Variants in TSHZ2 observed in about 807,000 individuals in gnomAD.
TSHZ2 encodes the protein teashirt zinc finger homeobox 2, also known as teashirt homolog 2.
A neutral mutation model predicts 74.4 loss-of-function variants in TSHZ2; 21 were observed. That is an observed-to-expected ratio of 0.28 (90% CI 0.20 to 0.41). TSHZ2 has a LOEUF of 0.41. TSHZ2 is among the 10% of genes least tolerant of loss of function. TSHZ2 has a pLI of 1.00. For synonymous variants in TSHZ2, 540 were observed against 515.3 expected, an observed-to-expected ratio of 1.05 and a Z score of -0.65; for missense variants, 1,244 against 1,293.5, an observed-to-expected ratio of 0.96 and a Z score of 0.59.
At chr20:53,146,541 C>G (rs566279513) in intron 1 of TSHZ2, among the ~76,000 whole-genome samples, 1 of 152,280 alleles carries the variant, frequency 6.6e-6, no homozygotes, top group Admixed American at 6.5e-5. Flanking sequence ...TCTTTTGAAA[C>G]TGGTATATCT....
chr20:53,345,010 GT>G (rs1980382076), intron 2 of TSHZ2, among the ~76,000 whole-genome samples: 1 of 152,232 alleles, frequency 6.6e-6, no homozygotes, highest in South Asian at 2.1e-4. Context: ...AGAATTATTT[GT>G]GTGCAAGCAA....
chr20:53,054,822 C>T (rs542591211), intron 1 of TSHZ2, among the ~76,000 whole-genome samples: 15 of 152,180 alleles, frequency 9.9e-5, no homozygotes, highest in African/African-American at 3.6e-4. Context: ...GGGCACTATA[C>T]AGCTTTTAAA....
chr20:53,190,617 T>A (rs1270896894), intron 1 of TSHZ2, among the ~76,000 whole-genome samples: 1 of 152,200 alleles, frequency 6.6e-6, no homozygotes, highest in Non-Finnish European at 1.5e-5. Context: ...TCGCAGCTTG[T>A]TGTAAGGCAA....
At chr20:53,187,950 G>A (rs939926296) in intron 1 of TSHZ2, among the ~76,000 whole-genome samples, 2 of 152,100 alleles carry the variant, frequency 1.3e-5, no homozygotes, top group African/African-American at 2.4e-5. Flanking sequence ...CTGGTAACAT[G>A]GCTCACCCTC....
At chr20:53,378,385 C>A (rs1981738784) in intron 2 of TSHZ2, among the ~76,000 whole-genome samples, 2 of 139,618 alleles carry the variant, frequency 1.4e-5, no homozygotes, top group South Asian at 5.1e-4. Context: ...AATAATAGAA[C>A]CTAATGCAGA....
At position 53,011,289 on chromosome 20, in the gene TSHZ2, G is replaced by A. The variant is rs80061301; in HGVS notation, c.40+37956G>A. On this transcript the variant is annotated intron_variant, in intron 1 of 2. Coordinates refer to ENST00000371497, the MANE Select transcript of TSHZ2 (RefSeq NM_173485.6). ...TCAAGAGCCCCAATTCATATCCTGG[G>A]ATCCTCTTTTGGTTCCAATTTCAAA... 6.3e-3 allele frequency among the ~76,000 whole-genome samples: 961 copies of A among 152,296 alleles called. 14 individuals carry two copies. Among genetic ancestry groups the A allele is most frequent in the African/African-American group, 0.022 (910 of 41,574 alleles).
intron 1 of TSHZ2, among the ~76,000 whole-genome samples, chr20:53,174,395 T>C (rs975899970): frequency 1.3e-5 from 2 of 152,210 alleles, no homozygotes; most frequent in Non-Finnish European, 2.9e-5. Flanking sequence ...GACTCAACCA[T>C]AAGTCTTGCT....
At position 53,254,415 on chromosome 20, in the gene TSHZ2, G is replaced by C. The variant is rs45562541; in HGVS notation, c.957G>C (p.Pro319=). Residue 319 remains proline (P), a synonymous_variant, in exon 2 of 3, where the codon CCG becomes CCC. Transcript: ENST00000371497. The part of the protein sequence containing the change: ...VPTISSKMVT[P]AKKRVFDVNR... The stretch of plus-strand genomic sequence containing the variant: ...CCATTTCCTCGAAAATGGTCACCCC[G>C]GCTAAGAAACGCGTTTTTGATGTCA... 63 of 1,613,422 alleles carry C rather than the reference G, an allele frequency of 3.9e-5. No individual in the cohort carries two copies. The highest frequency in any genetic ancestry group is 1.7e-4 in the Admixed American group (10 of 60,012).
intron 2 of TSHZ2, among the ~76,000 whole-genome samples, chr20:53,263,521 G>A (rs1352592320): frequency 6.6e-6 from 1 of 152,114 alleles, no homozygotes. Flanking sequence ...CCAGATCTTT[G>A]TGTGAGCCCC....
chr20:53,372,054 T>C (rs1600835683), intron 2 of TSHZ2, among the ~76,000 whole-genome samples: 1 of 152,114 alleles, frequency 6.6e-6, no homozygotes, highest in Non-Finnish European at 1.5e-5. Flanking sequence ...TCCTCAGTCA[T>C]TGAATTAGGG....
intron 2 of TSHZ2, among the ~76,000 whole-genome samples, chr20:53,342,148 C>T (rs147265846): frequency 7.9e-5 from 12 of 152,264 alleles, no homozygotes; most frequent in Non-Finnish European, 1.6e-4. Context: ...AGCACGGATA[C>T]GTTATTATGA....
chr20:53,269,600 A>G (rs1341216670), intron 2 of TSHZ2, among the ~76,000 whole-genome samples: 7 of 152,184 alleles, frequency 4.6e-5, no homozygotes, highest in Non-Finnish European at 7.3e-5. Context: ...GAGGAGGAGG[A>G]GGAGGATCTG....
chr20:53,314,035 G>A (rs546182059), intron 2 of TSHZ2, among the ~76,000 whole-genome samples: 10 of 152,104 alleles, frequency 6.6e-5, no homozygotes, highest in African/African-American at 1.4e-4. Flanking sequence ...GGCCAGGCAC[G>A]GAGGCACTTT....
chr20:52,984,826 G>A (rs548965411), intron 1 of TSHZ2, among the ~76,000 whole-genome samples: 1 of 152,298 alleles, frequency 6.6e-6, no homozygotes, highest in South Asian at 2.1e-4. Flanking sequence ...GTGGTCCGGG[G>A]AGAGACCACA....
rs543385044 is a variant in TSHZ2, at chr20:53,027,460, C to T, written c.40+54127C>T. Among the ~76,000 whole-genome samples, 14 of 152,214 alleles carry T rather than the reference C, an allele frequency of 9.2e-5. No homozygotes were observed. In the South Asian group the frequency reaches 2.5e-3, roughly 27 times the overall value. On this transcript the variant is annotated intron_variant, in intron 1 of 2. Coordinates refer to ENST00000371497, the MANE Select transcript of TSHZ2 (RefSeq NM_173485.6). ...AATCATTTGTCAAGGAAAATGATGGCTAACCCTGAGGCTGAAGTACCAGAT... is the reference window on the plus strand; with the variant it reads ...AATCATTTGTCAAGGAAAATGATGGTTAACCCTGAGGCTGAAGTACCAGAT...
chr20:52,991,721 G>A (rs58241760), intron 1 of TSHZ2, among the ~76,000 whole-genome samples: 1 of 141,400 alleles, frequency 7.1e-6, no homozygotes, highest in Non-Finnish European at 1.6e-5. Context: ...TAGTGTGTGT[G>A]TTGGGGGCAG....
Position 53,012,772 on chromosome 20 carries a change from C to T in TSHZ2, c.40+39439C>T, listed in dbSNP as rs118066497. ...TTTTGGGAAGGCAGTTTTCTTTTCTCGCTCATGTCTCAGACTGCCTTGGCC... is the reference window on the plus strand; with the variant it reads ...TTTTGGGAAGGCAGTTTTCTTTTCTTGCTCATGTCTCAGACTGCCTTGGCC... On this transcript the variant is annotated intron_variant, in intron 1 of 2. Coordinates refer to ENST00000371497, the MANE Select transcript of TSHZ2 (RefSeq NM_173485.6). 9.2e-3 allele frequency among the ~76,000 whole-genome samples: 1,404 copies of T among 152,262 alleles called. 11 individuals are homozygous for T. The highest frequency in any genetic ancestry group is 0.014 in the Non-Finnish European group (928 of 68,012).
At chr20:53,478,712 A>C (rs1283796627) in intron 2 of TSHZ2, among the ~76,000 whole-genome samples, 2 of 152,026 alleles carry the variant, frequency 1.3e-5, no homozygotes, top group Non-Finnish European at 2.9e-5. Context: ...AGATTAAAAA[A>C]AAGAAAGAGC....
chr20:53,109,553 A>C (rs997772500), intron 1 of TSHZ2, among the ~76,000 whole-genome samples: 1 of 152,088 alleles, frequency 6.6e-6, no homozygotes, highest in African/African-American at 2.4e-5. Flanking sequence ...CCATCCTGTG[A>C]TTTCTCTTTT....
Sources: allele counts gnomAD v4.1 joint callset (sites outside exome capture counted in the v4.1 genomes callset), GRCh38; gene constraint gnomAD v4.1.1; transcripts MANE v1.5; gene names NCBI Gene and HGNC (gene_info 2026-07-23, HGNC 2026-07-21).